The following GNB1 variants were observed in gnomAD, a reference collection of about 807,000 sequenced individuals.
The protein encoded by GNB1 is G protein subunit beta 1, also known as guanine nucleotide-binding protein G(I)/G(S)/G(T) subunit beta-1.
In GNB1, 2 loss-of-function variants were observed where a neutral mutation model predicts 42.9. The observed-to-expected ratio is 0.05, with a 90% CI of 0.02 to 0.15. The LOEUF (loss-of-function observed/expected upper bound fraction) is 0.15, where lower values mean the gene tolerates loss of function less well. GNB1 is among the 10% of genes least tolerant of loss of function. The probability of loss-of-function intolerance (pLI) is 1.00; values close to 1 mark genes in which losing one functional copy is unlikely to be tolerated. For synonymous variants in GNB1, 183 were observed against 174.7 expected, an observed-to-expected ratio of 1.05 and a Z score of -0.38; for missense variants, 193 against 462.2, an observed-to-expected ratio of 0.42 and a Z score of 5.34.
chr1:1,853,181 G>C (rs1215537328), intron 1 of GNB1, among the ~76,000 whole-genome samples: 1 of 152,000 alleles, frequency 6.6e-6, no homozygotes, highest in East Asian at 1.9e-4. Flanking sequence ...ACTAATCTGT[G>C]TCTCTATCCC....
intron 1 of GNB1, among the ~76,000 whole-genome samples, chr1:1,840,706 T>G (rs1008052235): frequency 8.5e-5 from 13 of 152,230 alleles, no homozygotes; most frequent in Non-Finnish European, 1.3e-4. Flanking sequence ...GTTGGGACAC[T>G]TCCAATCCCT....
intron 1 of GNB1, among the ~76,000 whole-genome samples, chr1:1,849,794 G>A (rs1252006748): frequency 6.6e-6 from 1 of 151,984 alleles, no homozygotes; most frequent in East Asian, 1.9e-4. Flanking sequence ...AGGGTTTTTT[G>A]TTTATATTTA....
In GNB1 at chr1:1,785,850, C is replaced by A. The variant is rs1031945982; in HGVS notation, c.*1213G>T. Reference sequence around the variant, plus strand: ...AAGAAAACAGTGACTTATCCCGCTACCCAAGCGTGTAGAGCCGCGCGCTGT... The same window carrying A: ...AAGAAAACAGTGACTTATCCCGCTAACCAAGCGTGTAGAGCCGCGCGCTGT... On this transcript the variant is annotated 3_prime_UTR_variant, in exon 12 of 12. Coordinates refer to ENST00000378609, the MANE Select transcript of GNB1 (RefSeq NM_002074.5). The A allele has an allele frequency of 2.7e-6, 1 of 365,454 alleles. No homozygotes were observed. Among genetic ancestry groups the A allele is most frequent in the African/African-American group, 2.1e-5 (1 of 47,510 alleles). The allele number at this position is 365,454 out of a possible 1,614,324, so 22.6% of individuals were successfully genotyped here.
chr1:1,802,828 G>A (rs187396710), intron 7 of GNB1, among the ~76,000 whole-genome samples: 235 of 151,806 alleles, frequency 1.5e-3, no homozygotes, highest in Middle Eastern at 6.9e-3. Flanking sequence ...ATGCTTAGAG[G>A]GAAACTTAAA....
chr1:1,875,945 G>T (rs1382547492), intron 1 of GNB1, among the ~76,000 whole-genome samples: 2 of 151,878 alleles, frequency 1.3e-5, no homozygotes, highest in African/African-American at 4.8e-5. Context: ...ACTGAATTAG[G>T]GTGGCCCTAA....
At position 1,855,627 on chromosome 1, in the gene GNB1, C is replaced by A. The variant is rs1570720799; in HGVS notation, c.-95-16389G>T. Among the ~76,000 whole-genome samples the A allele has an allele frequency of 2.0e-5, 3 of 151,756 alleles. No individual in the cohort carries two copies. In the East Asian group the frequency reaches 5.9e-4, roughly 30 times the overall value. ...GAGGCGGGAGAATGGCTGGCATGAA[C>A]CCCGGGGGGCGGAGCCTGCAGTGAG... On this transcript the variant is annotated intron_variant, in intron 1 of 11. Coordinates refer to ENST00000378609, the MANE Select transcript of GNB1 (RefSeq NM_002074.5).
chr1:1,816,953 G>A (rs904034854), intron 4 of GNB1, among the ~76,000 whole-genome samples: 5 of 152,062 alleles, frequency 3.3e-5, no homozygotes, highest in African/African-American at 4.8e-5. Flanking sequence ...TGAAGTTCAC[G>A]TAACATCCAA....
rs1646423224 is a variant in GNB1, at chr1:1,787,592, G to T, written c.917-155C>A. On this transcript the variant is annotated intron_variant, in intron 10 of 11. Transcript: ENST00000378609. This position sits in a 1 kb window ranked among gnomAD's most constrained non-coding sequence, Gnocchi z 4.4. ...GGGAGGGAAAGTTGCATCCACGTGG[G>T]GAATTAACCTGCAGCATATGGCCAG... is the stretch of plus-strand genomic sequence containing the variant. Among the ~76,000 whole-genome samples, 2 of 152,072 alleles carry T rather than the reference G, an allele frequency of 1.3e-5. No individual in the cohort carries two copies. The highest frequency in any genetic ancestry group is 2.4e-5 in the African/African-American group (1 of 41,410).
intron 1 of GNB1, among the ~76,000 whole-genome samples, chr1:1,880,160 C>T (rs1027630177): frequency 6.6e-6 from 1 of 152,144 alleles, no homozygotes; most frequent in African/African-American, 2.4e-5. Context: ...CTCAAAATCT[C>T]AGCCTCAAGT....
intron 5 of GNB1, among the ~76,000 whole-genome samples, chr1:1,808,301 C>G (rs1482836068): frequency 6.6e-6 from 1 of 152,146 alleles, no homozygotes; most frequent in African/African-American, 2.4e-5. Context: ...CCACTGCGCC[C>G]GACCATGAAT....
intron 3 of GNB1, among the ~76,000 whole-genome samples, chr1:1,821,776 A>C (rs916255201): frequency 6.6e-6 from 1 of 152,232 alleles, no homozygotes; most frequent in African/African-American, 2.4e-5. Flanking sequence ...AAACAGTGTC[A>C]AATATCTCAA....
At chr1:1,890,444 G>C (rs1650427421) in intron 1 of GNB1, 2 of 149,044 alleles carry the variant, frequency 1.3e-5, no homozygotes, top group African/African-American at 4.9e-5. Flanking sequence ...TTCTCGCGCC[G>C]CGGGCCCGAG....
chr1:1,827,956 T>C (rs1339116189), intron 2 of GNB1, among the ~76,000 whole-genome samples: 2 of 152,156 alleles, frequency 1.3e-5, no homozygotes, highest in Admixed American at 6.5e-5. Context: ...CTAATTTTTA[T>C]AGTACGGGAC....
intron 1 of GNB1, among the ~76,000 whole-genome samples, chr1:1,880,480 C>A (rs988192747): frequency 6.6e-6 from 1 of 151,560 alleles, no homozygotes; most frequent in Non-Finnish European, 1.5e-5. Context: ...CCCAGCTACT[C>A]GGAGAGGCCG....
intron 8 of GNB1, among the ~76,000 whole-genome samples, chr1:1,791,279 C>A (rs954488389): frequency 6.6e-6 from 1 of 151,430 alleles, no homozygotes; most frequent in African/African-American, 2.4e-5. Flanking sequence ...TCAAGCGATT[C>A]TCCTGCCTCA....
intron 1 of GNB1, among the ~76,000 whole-genome samples, chr1:1,855,133 T>C (rs1232150252): frequency 6.8e-6 from 1 of 146,062 alleles, no homozygotes; most frequent in East Asian, 2.0e-4. Context: ...CACTCCAGCC[T>C]GGGCAACAGA....
At position 1,808,897 on chromosome 1, in the gene GNB1, G is replaced by A. The variant is rs927172808; in HGVS notation, c.204-2359C>T. Among the ~76,000 whole-genome samples, 60 of 152,222 alleles carry A rather than the reference G, an allele frequency of 3.9e-4. 1 individual carries two copies. The highest frequency in any genetic ancestry group is 1.2e-3 in the African/African-American group (49 of 41,546). ...GGCCTCAAGTGATCCGCCCACCTTG[G>A]CCTCCCAAAGTGTTGGGATTACAGA... On this transcript the variant is annotated intron_variant, in intron 5 of 11. Transcript: ENST00000378609.
intron 7 of GNB1, among the ~76,000 whole-genome samples, chr1:1,801,365 C>T (rs1279014770): frequency 1.3e-5 from 2 of 152,134 alleles, no homozygotes; most frequent in Admixed American, 1.3e-4. Flanking sequence ...CATTATAAGA[C>T]CCCTAATTTC....
At chr1:1,888,169 C>T (rs945415774) in intron 1 of GNB1, among the ~76,000 whole-genome samples, 1 of 152,114 alleles carries the variant, frequency 6.6e-6, no homozygotes, top group Non-Finnish European at 1.5e-5. Flanking sequence ...TAGCTTTTGG[C>T]CAGTGGATGT....
Sources: allele counts gnomAD v4.1 joint callset (sites outside exome capture counted in the v4.1 genomes callset), GRCh38; gene constraint gnomAD v4.1.1; non-coding constraint Gnocchi (gnomAD v3.1); transcripts MANE v1.5; gene names NCBI Gene and HGNC (gene_info 2026-07-23, HGNC 2026-07-21).